The following SYN3 variants were observed in gnomAD, a reference collection of about 807,000 sequenced individuals.
The protein encoded by SYN3 is synapsin-3.
A neutral mutation model predicts 65.8 loss-of-function variants in SYN3; 35 were observed. The ratio of observed to expected loss-of-function variants is 0.53; its 90% confidence interval spans 0.41 to 0.70. The LOEUF is 0.70. Ranked by LOEUF, SYN3 falls within the 30% of genes least tolerant of loss-of-function variation. The pLI, the probability that SYN3 is intolerant of heterozygous loss-of-function variation, is 0.00. For missense variants in SYN3, 680 were observed against 749.0 expected (o/e 0.91, Z 1.08); for synonymous variants, 270 against 292.9 (o/e 0.92, Z 0.80).
At chr22:32,651,922 C>T (rs1164820014) in intron 6 of SYN3, among the ~76,000 whole-genome samples, 1 of 152,172 alleles carries the variant, frequency 6.6e-6, no homozygotes, top group African/African-American at 2.4e-5. Context: ...TGGCATCTAG[C>T]GGGTAGAAGC....
Position 32,527,923 on chromosome 22 carries a change from G to A in SYN3, c.1313C>T (p.Pro438Leu), listed in dbSNP as rs557651801. 30 of 1,588,176 alleles carry A rather than the reference G, an allele frequency of 1.9e-5. No individual in the cohort carries two copies. The highest frequency in any genetic ancestry group is 4.6e-5 in the East Asian group (2 of 43,420). The change falls in exon 12 of 14, where the codon CCG (proline) becomes CTG (leucine). Residue 438 changes from proline to leucine, a missense_variant. Physicochemically the swap from Pro to Leu is moderately conservative, Grantham distance 98. Coordinates refer to ENST00000358763, the MANE Select transcript of SYN3 (RefSeq NM_003490.4). ...QLGQPQPRPP[P>L]QGGPRQAQSP... ...TGGCTCGTCCTGGGTCATACCTTGC[G>A]GAGGTGGGCGTGGCTGGGGCTGGCC...
In SYN3 at chr22:32,511,275, T is replaced by G. The variant is rs1298189387; in HGVS notation, c.*2417A>C. On this transcript the variant is annotated 3_prime_UTR_variant, in exon 14 of 14. Transcript: ENST00000358763. ...CCGGATTATAAATGGTCTGATCTAT[T>G]CCTTGCCATCACCTGACCTCCCCCA... 6.6e-6 allele frequency among the ~76,000 whole-genome samples: 1 copy of G among 152,148 alleles called. No homozygotes were observed. The highest frequency in any genetic ancestry group is 1.5e-5 in the Non-Finnish European group (1 of 68,026).
At chr22:32,882,740 A>C (rs1406520706) in intron 4 of SYN3, among the ~76,000 whole-genome samples, 1 of 152,058 alleles carries the variant, frequency 6.6e-6, no homozygotes, top group Non-Finnish European at 1.5e-5. Context: ...TAGGATCTGA[A>C]GCAAACATGG....
intron 6 of SYN3, among the ~76,000 whole-genome samples, chr22:32,682,503 C>T (rs898926599): frequency 6.6e-6 from 1 of 152,100 alleles, no homozygotes; most frequent in African/African-American, 2.4e-5. Flanking sequence ...CGACTCATCC[C>T]CTTCTAGGGT....
intron 6 of SYN3, among the ~76,000 whole-genome samples, chr22:32,654,592 C>T (rs1288670320): frequency 6.6e-6 from 1 of 152,210 alleles, no homozygotes; most frequent in Non-Finnish European, 1.5e-5. Context: ...TCTCTCTCCA[C>T]ACCGAGATCT....
intron 6 of SYN3, chr22:32,785,047 C>CT (rs1287075902): frequency 3.3e-5 from 5 of 151,374 alleles, no homozygotes; most frequent in African/African-American, 4.9e-5. Flanking sequence ...TCTCTTCCCT[C>CT]TTTTGTTACT....
intron 6 of SYN3, among the ~76,000 whole-genome samples, chr22:32,664,400 G>A (rs962276373): frequency 1.2e-4 from 19 of 152,032 alleles, no homozygotes; most frequent in Non-Finnish European, 2.1e-4. Flanking sequence ...CTAGTGGTCG[G>A]TGTTTTAGTC....
chr22:32,958,060 A>G (rs1167769429), intron 3 of SYN3, among the ~76,000 whole-genome samples: 1 of 152,248 alleles, frequency 6.6e-6, no homozygotes, highest in East Asian at 1.9e-4. Context: ...TGAGGAGCAC[A>G]GAGGCCCTCT....
chr22:32,883,875 A>G lies in SYN3; in HGVS notation c.462-14750T>C, dbSNP rs73403252. ...GTACAGATCCAACAGCCGGCCTCAG[A>G]GTGGTAGTAGAATCTTGGTATCTCC... is the stretch of plus-strand genomic sequence containing the variant. On this transcript the variant is annotated intron_variant, in intron 4 of 13. Transcript: ENST00000358763. Among the ~76,000 whole-genome samples, 1,192 of 152,352 alleles carry G rather than the reference A, an allele frequency of 7.8e-3. 22 individuals are homozygous for G. Among genetic ancestry groups the G allele is most frequent in the African/African-American group, 0.028 (1,156 of 41,572 alleles).
chr22:32,540,087 G>A (rs533563341), intron 8 of SYN3, among the ~76,000 whole-genome samples: 1 of 152,324 alleles, frequency 6.6e-6, no homozygotes, highest in South Asian at 2.1e-4. Flanking sequence ...GCAACTGCCT[G>A]CACCTCCTCC....
At chr22:32,934,771 T>G (rs2050726822) in intron 3 of SYN3, among the ~76,000 whole-genome samples, 1 of 152,202 alleles carries the variant, frequency 6.6e-6, no homozygotes, top group Non-Finnish European at 1.5e-5. Context: ...TTTTCAGATG[T>G]AATCCAGTTA....
chr22:32,535,780 T>G (rs2058153520), intron 9 of SYN3, among the ~76,000 whole-genome samples: 2 of 118,786 alleles, frequency 1.7e-5, no homozygotes, highest in South Asian at 3.4e-4. Flanking sequence ...GCTTGGAGAA[T>G]CGGGGGGGGG....
intron 3 of SYN3, among the ~76,000 whole-genome samples, chr22:32,935,863 G>A (rs888954589): frequency 6.6e-6 from 1 of 152,196 alleles, no homozygotes; most frequent in Non-Finnish European, 1.5e-5. Context: ...GATGAGTTTA[G>A]TGAAGTTACT....
intron 6 of SYN3, among the ~76,000 whole-genome samples, chr22:32,642,428 T>G (rs1298003184): frequency 6.6e-6 from 1 of 151,866 alleles, no homozygotes. Flanking sequence ...TTGATTTTGA[T>G]TTTTTATCTT....
At chr22:32,587,770 G>A (rs1382238797) in intron 7 of SYN3, among the ~76,000 whole-genome samples, 1 of 152,188 alleles carries the variant, frequency 6.6e-6, no homozygotes, top group Non-Finnish European at 1.5e-5. Flanking sequence ...TCGCCTGGAG[G>A]AGCGGCCCTC....
chr22:32,573,413 T>A (rs1013856206), intron 7 of SYN3, among the ~76,000 whole-genome samples: 1 of 152,266 alleles, frequency 6.6e-6, no homozygotes, highest in South Asian at 2.1e-4. Context: ...GGTAAAATAC[T>A]GGTGATTTTG....
chr22:33,005,623 C>G (rs897197271), intron 2 of SYN3, among the ~76,000 whole-genome samples: 1 of 152,344 alleles, frequency 6.6e-6, no homozygotes, highest in East Asian at 1.9e-4. Flanking sequence ...AGCTAGGGAG[C>G]ACTGTCTGAG....
At chr22:32,710,645 A>AAAAAAAAG (rs1555931894) in intron 6 of SYN3, among the ~76,000 whole-genome samples, 10 of 127,022 alleles carry the variant, frequency 7.9e-5, no homozygotes, top group East Asian at 3.8e-4. Flanking sequence ...AAAAAAAAAA[A>AAAAAAAAG]AAAGAAAGAA....
intron 2 of SYN3, among the ~76,000 whole-genome samples, chr22:33,000,667 G>A (rs535750284): frequency 6.6e-6 from 1 of 152,356 alleles, no homozygotes; most frequent in East Asian, 1.9e-4. Context: ...TGGGGTTGGG[G>A]TGGGTTCACT....
Sources: gnomAD v4.1 joint callset for allele counts (sites outside exome capture counted in the v4.1 genomes callset) on GRCh38, gnomAD v4.1.1 for gene constraint, MANE v1.5 for transcripts, NCBI Gene and HGNC (gene_info 2026-07-23, HGNC 2026-07-21) for gene names.